Variants in DNAJB12 observed in about 807,000 individuals in gnomAD.
The protein encoded by DNAJB12 is DnaJ heat shock protein family (Hsp40) member B12, also known as dnaJ homolog subfamily B member 12.
In DNAJB12, 14 loss-of-function variants were observed where a neutral mutation model predicts 40.6. The ratio of observed to expected loss-of-function variants is 0.34; its 90% confidence interval spans 0.23 to 0.54. The LOEUF is 0.54. DNAJB12 is among the 20% of genes least tolerant of loss of function. The probability of loss-of-function intolerance (pLI) is 0.92; values close to 1 mark genes in which losing one functional copy is unlikely to be tolerated. For missense variants in DNAJB12, 444 were observed against 501.7 expected (o/e 0.89, Z 1.10); for synonymous variants, 181 against 199.5 (o/e 0.91, Z 0.78).
chr10:72,346,412 G>A (rs554904559), intron 1 of DNAJB12, among the ~76,000 whole-genome samples: 3 of 152,014 alleles, frequency 2.0e-5, no homozygotes, highest in East Asian at 1.9e-4. Flanking sequence ...TGCAACCTCC[G>A]CCTCCTGGGT....
rs369716653 is a variant in DNAJB12 at position 72,347,602 on chromosome 10, C to T, written c.134-2475G>A. ...TATACAGGACATTAACTATCACCCT[C>T]GGCAGCATCATGGCTATTGAAAACC... On this transcript the variant is annotated intron_variant, in intron 1 of 8. Transcript: ENST00000444643. Among the ~76,000 whole-genome samples the T allele has an allele frequency of 6.2e-4, 95 of 152,356 alleles. 1 individual carries two copies. Among genetic ancestry groups the T allele is most frequent in the African/African-American group, 2.2e-3 (93 of 41,602 alleles).
chr10:72,347,791 T>C (rs927453384), intron 1 of DNAJB12, among the ~76,000 whole-genome samples: 4 of 151,640 alleles, frequency 2.6e-5, no homozygotes, highest in African/African-American at 9.7e-5. Context: ...TGGGCGCTTG[T>C]AATCCCAGCT....
chr10:72,335,093 C>T lies in DNAJB12; in HGVS notation c.*31-476G>A, dbSNP rs1273453486. ...TCTGTTCCCTTCCTCAGACCGCAGG[C>T]GAGATGCCTGGGCAAGGCCGGATGC... is the stretch of plus-strand genomic sequence containing the variant. On this transcript the variant is annotated intron_variant, in intron 8 of 8. Coordinates refer to ENST00000444643, the MANE Select transcript of DNAJB12 (RefSeq NM_017626.7). This position sits in a 1 kb window ranked among gnomAD's most constrained non-coding sequence, Gnocchi z 4.4. 5 of 991,302 alleles carry T rather than the reference C, an allele frequency of 5.0e-6. No homozygotes were observed. Among genetic ancestry groups the T allele is most frequent in the Admixed American group, 1.2e-4 (2 of 16,574 alleles). The allele number at this position is 991,302 out of a possible 1,614,324, so 61.4% of individuals were successfully genotyped here.
Position 72,334,157 on chromosome 10 carries a change from T to C in DNAJB12, c.*491A>G, listed in dbSNP as rs1220111754. 1 of 179,692 alleles carries C rather than the reference T, an allele frequency of 5.6e-6. No individual in the cohort carries two copies. The highest frequency in any genetic ancestry group is 2.4e-5 in the African/African-American group (1 of 41,638). The allele number at this position is 179,692 out of a possible 1,614,324, so 11.1% of individuals were successfully genotyped here. On this transcript the variant is annotated 3_prime_UTR_variant, in exon 9 of 9. Coordinates refer to ENST00000444643, the MANE Select transcript of DNAJB12 (RefSeq NM_017626.7). Reference sequence around the variant, plus strand: ...TCATATATGCCTATTTACATATAAATAGATATATATACATATACACGCATC... The same window carrying C: ...TCATATATGCCTATTTACATATAAACAGATATATATACATATACACGCATC...
In DNAJB12 at chr10:72,343,428, C is replaced by A; in HGVS notation, c.395G>T (p.Arg132Ile). 6.2e-7 allele frequency: 1 copy of A among 1,614,184 alleles called. No individual in the cohort carries two copies. Among genetic ancestry groups the A allele is most frequent in the Non-Finnish European group, 8.5e-7 (1 of 1,180,014 alleles). ...GTCTGGGTGGAATTTGAGGGCCAGTCTGCGGTAGGCCTTCTTCAGGTCCTC... is the reference window on the plus strand; with the variant it reads ...GTCTGGGTGGAATTTGAGGGCCAGTATGCGGTAGGCCTTCTTCAGGTCCTC... Reference protein sequence around the residue: ...SDEDLKKAYRRLALKFHPDKN... With the variant: ...SDEDLKKAYRILALKFHPDKN... The change falls in exon 3 of 9, where the codon AGA (arginine) becomes ATA (isoleucine). Residue 132 changes from arginine to isoleucine, a missense_variant. By Grantham distance (97) the Arg-to-Ile change is moderately conservative. Transcript: ENST00000444643.
chr10:72,341,691 C>T (rs1208003157), intron 3 of DNAJB12, among the ~76,000 whole-genome samples: 1 of 152,170 alleles, frequency 6.6e-6, no homozygotes, highest in African/African-American at 2.4e-5. Context: ...AGGCTGGTCT[C>T]AAACTCCTGG....
chr10:72,344,629 T>C (rs1459799389), intron 2 of DNAJB12, among the ~76,000 whole-genome samples: 1 of 152,186 alleles, frequency 6.6e-6, no homozygotes, highest in Non-Finnish European at 1.5e-5. Context: ...TCCATCTCTA[T>C]TGACAAACAG....
intron 8 of DNAJB12, chr10:72,334,960 C>A (rs1052458093): frequency 3.7e-5 from 42 of 1,147,438 alleles, no homozygotes; most frequent in Non-Finnish European, 4.5e-5. Context: ...GAGCCCAGCG[C>A]CCCCATTCGC....
chr10:72,334,735 C>A (rs1184329109), intron 8 of DNAJB12, 118 bp from the exon 9 acceptor site: 4 of 1,403,788 alleles, frequency 2.8e-6, no homozygotes, highest in Non-Finnish European at 3.7e-6. Context: ...GCCCGCTCGA[C>A]CCCCACCAAC....
At chr10:72,348,913 A>C (rs1861866738) in intron 1 of DNAJB12, among the ~76,000 whole-genome samples, 2 of 152,222 alleles carry the variant, frequency 1.3e-5, no homozygotes, top group Non-Finnish European at 2.9e-5. Flanking sequence ...CTGTAGGAAG[A>C]GGGTACTGTG....
Position 72,333,758 on chromosome 10 carries a change from C to G in DNAJB12, c.*890G>C, listed in dbSNP as rs1403489674. ...CCTGGGCACCAGGACAAAGAGCCCA[C>G]CAGCGCTGCTGAGAGGGGAGAGGTG... is the stretch of plus-strand genomic sequence containing the variant. On this transcript the variant is annotated 3_prime_UTR_variant, in exon 9 of 9. Coordinates refer to ENST00000444643, the MANE Select transcript of DNAJB12 (RefSeq NM_017626.7). The G allele has an allele frequency of 1.3e-5, 2 of 152,686 alleles. No individual in the cohort carries two copies. Among genetic ancestry groups the G allele is most frequent in the African/African-American group, 4.8e-5 (2 of 41,456 alleles). 9.5% of individuals were successfully genotyped at this position (152,686 alleles called of 1,614,324 possible).
Position 72,335,632 on chromosome 10 carries a change from T to G in DNAJB12, c.*30+148A>C. ...GTTTCCCAGCAGGCCCCACAGCTGC[T>G]CGGTCTCTGGAGGCTGGAGGTCAGG... is the stretch of plus-strand genomic sequence containing the variant. On this transcript the variant is annotated intron_variant, in intron 8 of 8. Transcript: ENST00000444643. The surrounding 1 kb of genome is among the most constrained non-coding windows in gnomAD (Gnocchi z 4.4). 5 of 1,418,008 alleles carry G rather than the reference T, an allele frequency of 3.5e-6. No individual in the cohort carries two copies. The South Asian group carries it at 7.5e-5, about 21-fold the overall frequency. 87.8% of individuals were successfully genotyped at this position (1,418,008 alleles called of 1,614,324 possible).
chr10:72,334,693 C>G, intron 8 of DNAJB12, 76 bp from the exon 9 acceptor site: 1 of 1,481,710 alleles, frequency 6.7e-7, no homozygotes, highest in Non-Finnish European at 8.9e-7. Flanking sequence ...ACACAAGTAG[C>G]CCCCCTTGCC....
chr10:72,340,464 C>T (rs1306354445), intron 5 of DNAJB12, among the ~76,000 whole-genome samples: 2 of 152,228 alleles, frequency 1.3e-5, no homozygotes, highest in Admixed American at 1.3e-4. Flanking sequence ...TAGAGGATGT[C>T]ACTTTGGCCT....
Position 72,340,769 on chromosome 10 carries a change from C to T in DNAJB12, c.723+20G>A, listed in dbSNP as rs1160843380. 1 of 1,612,544 alleles carries T rather than the reference C, an allele frequency of 6.2e-7. No individual in the cohort carries two copies. The highest frequency in any genetic ancestry group is 8.5e-7 in the Non-Finnish European group (1 of 1,179,588). ...ATTTGGTGCCCTTCCCGCGCTGTCC[C>T]TGGCGCCCTCCTCACTCACATCACC... On this transcript the variant is annotated intron_variant, in intron 5 of 8. Transcript: ENST00000444643.
chr10:72,334,605 G>A lies in DNAJB12; in HGVS notation c.*43C>T, dbSNP rs1291285017. ...AGTGCATGTCACCAAAAATTCTCCAGGGATTTCATAGTCTGGGGAGGAGAG... is the reference window on the plus strand; with the variant it reads ...AGTGCATGTCACCAAAAATTCTCCAAGGATTTCATAGTCTGGGGAGGAGAG... On this transcript the variant is annotated 3_prime_UTR_variant, in exon 9 of 9. Transcript: ENST00000444643. The A allele has an allele frequency of 6.5e-7, 1 of 1,533,738 alleles. No individual in the cohort carries two copies. The highest frequency in any genetic ancestry group is 1.2e-5 in the South Asian group (1 of 83,780).
chr10:72,335,668 G>A lies in DNAJB12; in HGVS notation c.*30+112C>T, dbSNP rs1861449981. The stretch of plus-strand genomic sequence containing the variant: ...AGGCTGGAGGTCAGGCTGGGGACAG[G>A]AGTCTTTGCCACAATCACCAGGCTT... On this transcript the variant is annotated intron_variant, in intron 8 of 8. Transcript: ENST00000444643. The surrounding 1 kb of genome is among the most constrained non-coding windows in gnomAD (Gnocchi z 4.4). 6.8e-7 allele frequency: 1 copy of A among 1,462,158 alleles called. No individual in the cohort carries two copies. 90.6% of individuals were successfully genotyped at this position (1,462,158 alleles called of 1,614,324 possible). A position where few individuals can be genotyped will look rare whatever the true frequency, so the allele number is the denominator to read the frequency against.
At position 72,343,397 on chromosome 10, in the gene DNAJB12, G is replaced by A; in HGVS notation, c.426C>T (p.Asn142=). The part of the protein sequence containing the change: ...RLALKFHPDK[N]HAPGATEAFK... Reference sequence around the variant, plus strand: ...AGGCTTCAGTGGCACCAGGTGCGTGGTTCTTGTCTGGGTGGAATTTGAGGG... The same window carrying A: ...AGGCTTCAGTGGCACCAGGTGCGTGATTCTTGTCTGGGTGGAATTTGAGGG... Residue 142 remains asparagine (N), a synonymous_variant, in exon 3 of 9, where the codon AAC becomes AAT. Coordinates refer to ENST00000444643, the MANE Select transcript of DNAJB12 (RefSeq NM_017626.7). The A allele has an allele frequency of 1.2e-6, 2 of 1,613,986 alleles. 1 individual carries two copies. The highest frequency in any genetic ancestry group is 2.2e-5 in the South Asian group (2 of 91,014).
intron 1 of DNAJB12, among the ~76,000 whole-genome samples, chr10:72,349,515 G>A (rs562593290): frequency 2.0e-5 from 3 of 152,368 alleles, no homozygotes; most frequent in Admixed American, 6.5e-5. Flanking sequence ...TGGTCAAGGC[G>A]GGGCAGGAGG....
Sources: allele counts gnomAD v4.1 joint callset (sites outside exome capture counted in the v4.1 genomes callset), GRCh38; gene constraint gnomAD v4.1.1; non-coding constraint Gnocchi (gnomAD v3.1); transcripts MANE v1.5; gene names NCBI Gene and HGNC (gene_info 2026-07-23, HGNC 2026-07-21).